STYXL2: variants seen among roughly 807,000 people sequenced by gnomAD.
STYXL2 encodes the protein serine/threonine/tyrosine interacting like 2, also known as serine/threonine/tyrosine-interacting-like protein 2.
In STYXL2, 44 loss-of-function variants were observed where a neutral mutation model predicts 52.4. That is an observed-to-expected ratio of 0.84 (90% CI 0.66 to 1.08). The LOEUF is 1.08. Among genes scored for constraint, STYXL2 ranks in the 50% least tolerant of loss-of-function variants. STYXL2 has a pLI of 0.00. For synonymous variants in STYXL2, 604 were observed against 586.9 expected (o/e 1.03, Z -0.42); for missense variants, 1,604 against 1,471.7 (o/e 1.09, Z -1.47).
intron 2 of STYXL2, among the ~76,000 whole-genome samples, chr1:167,107,270 T>G (rs184322487): frequency 3.2e-4 from 49 of 152,268 alleles, no homozygotes; most frequent in African/African-American, 1.1e-3. Context: ...GTTCAAAAAC[T>G]GATCAATTAT....
intron 5 of STYXL2, 118 bp from the exon 6 acceptor site, chr1:167,125,669 A>C: frequency 7.2e-7 from 1 of 1,395,244 alleles, no homozygotes; most frequent in Non-Finnish European, 9.3e-7. Flanking sequence ...TTCAGAGGCA[A>C]AGTAAACACC....
chr1:167,127,504 C>A lies in STYXL2; in HGVS notation c.2373C>A (p.Pro791=), dbSNP rs762854287. The change falls in exon 6 of 6, where the codon CCC becomes CCA. Residue 791 remains proline (P), a synonymous_variant. Coordinates refer to ENST00000361200, the MANE Select transcript of STYXL2 (RefSeq NM_001080426.3). ...TGTTGCCTCAGAGCCAGGCAAGACC[C>A]AGCTCTGACATGCAGTCTGTGCTGT... ...GCLLPQSQAR[P]SSDMQSVLSC... 3.1e-6 allele frequency: 5 copies of A among 1,613,984 alleles called. No homozygotes were observed. The highest frequency in any genetic ancestry group is 3.4e-6 in the Non-Finnish European group (4 of 1,180,030).
intron 2 of STYXL2, among the ~76,000 whole-genome samples, chr1:167,111,531 A>ACACAAAT (rs1667623099): frequency 8.2e-6 from 1 of 121,392 alleles, no homozygotes; most frequent in Non-Finnish European, 1.9e-5. Context: ...CACACACACA[A>ACACAAAT]ATATATATAT....
Position 167,119,379 on chromosome 1 carries a change from G to C in STYXL2, c.568G>C (p.Glu190Gln). 4.3e-6 allele frequency: 7 copies of C among 1,614,264 alleles called. No homozygotes were observed. Among genetic ancestry groups the C allele is most frequent in the Non-Finnish European group, 5.9e-6 (7 of 1,180,050 alleles). Residue 190 changes from glutamate (E) to glutamine (Q), a missense_variant, in exon 5 of 6, where the codon GAG (glutamate) becomes CAG (glutamine). By Grantham distance (29) the Glu-to-Gln change is conservative. Transcript: ENST00000361200. ...TGLEIQYLGVEVDDFPEVDIS... is the reference protein window; with the variant it reads ...TGLEIQYLGVQVDDFPEVDIS... ...CCTGGAGATCCAGTACCTGGGTGTA[G>C]AGGTGGATGACTTTCCTGAGGTGGA... is the stretch of plus-strand genomic sequence containing the variant.
intron 2 of STYXL2, among the ~76,000 whole-genome samples, chr1:167,103,044 G>A (rs909296249): frequency 1.3e-5 from 2 of 150,726 alleles, no homozygotes; most frequent in Non-Finnish European, 3.0e-5. Context: ...AGACTCTAGG[G>A]AAGACTCCTT....
At chr1:167,097,938 T>G (rs1385910837) in intron 2 of STYXL2, among the ~76,000 whole-genome samples, 2 of 151,570 alleles carry the variant, frequency 1.3e-5, no homozygotes, top group East Asian at 3.9e-4. Flanking sequence ...TGAGGTAGGA[T>G]GATTGCTTGA....
chr1:167,127,882 C>A lies in STYXL2; in HGVS notation c.2751C>A (p.Val917=). 1 of 1,614,110 alleles carries A rather than the reference C, an allele frequency of 6.2e-7. No homozygotes were observed. The highest frequency in any genetic ancestry group is 8.5e-7 in the Non-Finnish European group (1 of 1,180,036). ...PETDTCSSLA[V]CDHYASGSRV... is the part of the protein sequence containing the mutation. The stretch of plus-strand genomic sequence containing the variant: ...CAGACACATGCTCCTCCCTGGCTGT[C>A]TGTGATCACTATGCAAGTGGCAGCA... Residue 917 remains valine (V), a synonymous_variant, in exon 6 of 6, where the codon GTC becomes GTA. Transcript: ENST00000361200.
chr1:167,121,494 C>A (rs1404022522), intron 5 of STYXL2, among the ~76,000 whole-genome samples: 1 of 152,236 alleles, frequency 6.6e-6, no homozygotes, highest in Non-Finnish European at 1.5e-5. Context: ...GGCCACGAGC[C>A]GGCGGTCCCC....
rs370798677 is a variant in STYXL2, at chr1:167,094,941, G to A, written c.92G>A (p.Arg31Gln). The stretch of plus-strand genomic sequence containing the variant: ...AGGGCGGTGCAGGCCCACTACCTCC[G>A]AAGCCCCTCCCCTAGCCAGTAAGTG... The part of the protein sequence containing the change: ...NVRAVQAHYL[R>Q]SPSPSQYSMV... Residue 31 changes from arginine to glutamine, a missense_variant, in exon 2 of 6, where the codon CGA becomes CAA. Transcript: ENST00000361200. 1.2e-5 allele frequency: 19 copies of A among 1,606,246 alleles called. No homozygotes were observed. The highest frequency in any genetic ancestry group is 2.7e-5 in the African/African-American group (2 of 74,748).
At chr1:167,108,577 CCT>C (rs36014416) in intron 2 of STYXL2, among the ~76,000 whole-genome samples, 51,863 of 151,850 alleles carry the variant, frequency 0.34, 10,300 homozygotes, top group East Asian at 0.73. Context: ...TCTCTAAAGG[CCT>C]CTCTAGTTTT....
rs756297966 is a variant in STYXL2 at position 167,126,457 on chromosome 1, C to T, written c.1326C>T (p.Ser442=). 15 of 1,588,066 alleles carry T rather than the reference C, an allele frequency of 9.4e-6. No homozygotes were observed. The East Asian group carries it at 2.7e-4, about 29-fold the overall frequency. Residue 442 remains serine (S), a synonymous_variant, in exon 6 of 6, where the codon AGC becomes AGT. Coordinates refer to ENST00000361200, the MANE Select transcript of STYXL2 (RefSeq NM_001080426.3). ...TGAGCGAGAGCAGCGCCTGGGAGAG[C>T]GTGAGCAGCCACGACATCTGGGTCC... The part of the protein sequence containing the change: ...RTLSESSAWE[S]VSSHDIWVLK...
intron 2 of STYXL2, among the ~76,000 whole-genome samples, chr1:167,097,522 G>T (rs1667312782): frequency 6.6e-6 from 1 of 152,164 alleles, no homozygotes; most frequent in Non-Finnish European, 1.5e-5. Context: ...CAAGATGCAT[G>T]TTGTAATTTG....
At chr1:167,114,496 G>A (rs948964808) in intron 3 of STYXL2, among the ~76,000 whole-genome samples, 5 of 152,152 alleles carry the variant, frequency 3.3e-5, no homozygotes. Flanking sequence ...GGCCCAGCTG[G>A]CCTTTGGGCT....
chr1:167,126,528 G>A lies in STYXL2; in HGVS notation c.1397G>A (p.Arg466His), dbSNP rs6668826. The part of the protein sequence containing the change: ...ELNRPDHGRR[R>H]RADSMSSEST... ...AACCGCCCGGACCACGGCAGGAGGC[G>A]CCGCGCAGACTCGATGTCCTCGGAG... The change falls in exon 6 of 6, where the codon CGC becomes CAC. Residue 466 changes from arginine to histidine, a missense_variant. Physicochemically the swap from Arg to His is conservative, Grantham distance 29. Coordinates refer to ENST00000361200, the MANE Select transcript of STYXL2 (RefSeq NM_001080426.3). 0.19 allele frequency: 306,407 copies of A among 1,612,340 alleles called. 37,781 individuals carry two copies. Among genetic ancestry groups the A allele is most frequent in the East Asian group, 0.76 (34,127 of 44,716 alleles).
intron 2 of STYXL2, among the ~76,000 whole-genome samples, chr1:167,113,028 G>T (rs1466135286): frequency 2.0e-5 from 3 of 152,146 alleles, no homozygotes; most frequent in African/African-American, 7.2e-5. Flanking sequence ...GATTCTCCAT[G>T]TTCCTAAAGG....
rs1310801259 is a variant in STYXL2 at position 167,128,085 on chromosome 1, C to A, written c.2954C>A (p.Ser985Ter). 6.2e-7 allele frequency: 1 copy of A among 1,614,188 alleles called. No individual in the cohort carries two copies. The highest frequency in any genetic ancestry group is 8.5e-7 in the Non-Finnish European group (1 of 1,180,042). ...SSSYKFSKSQ[S>*]EEQDTSSYHE... ...AGTTACAAGTTTTCCAAATCCCAGT[C>A]AGAGGAACAGGACACCTCCTCCTAC... The change falls in exon 6 of 6, where the codon TCA (serine) becomes TAA (stop). Residue 985 changes from serine (S) to a stop codon, truncating the protein, a stop_gained. Transcript: ENST00000361200. LOFTEE classifies it high-confidence loss of function.
At position 167,125,787 on chromosome 1, in the gene STYXL2, G is replaced by C; in HGVS notation, c.656G>C (p.Gly219Ala). 1 of 1,579,098 alleles carries C rather than the reference G, an allele frequency of 6.3e-7. No individual in the cohort carries two copies. The highest frequency in any genetic ancestry group is 8.6e-7 in the Non-Finnish European group (1 of 1,163,610). The stretch of plus-strand genomic sequence containing the variant: ...ATTTTCTCTTGTGTTTTCATTTCAG[G>C]GAAAGTCCTGGTCAGCAGCGAAATG... ...FLDEALLTYRGKVLVSSEMGI... is the reference protein window; with the variant it reads ...FLDEALLTYRAKVLVSSEMGI... The change falls in exon 6 of 6, where the codon GGG becomes GCG. Residue 219 changes from glycine to alanine, a missense_variant and splice_region_variant. By Grantham distance (60) the Gly-to-Ala change is moderately conservative. Transcript: ENST00000361200.
Position 167,126,336 on chromosome 1 carries a change from G to A in STYXL2, c.1205G>A (p.Arg402Lys), listed in dbSNP as rs1266626209. ...IIQEWQSRNE[R>K]YQAEGYRRWG... ...CAGGAGTGGCAGAGCCGAAACGAGA[G>A]GTACCAAGCAGAAGGGTACCGGAGG... Residue 402 changes from arginine to lysine, a missense_variant, in exon 6 of 6, where the codon AGG (arginine) becomes AAG (lysine). Coordinates refer to ENST00000361200, the MANE Select transcript of STYXL2 (RefSeq NM_001080426.3). 6.6e-7 allele frequency: 1 copy of A among 1,522,470 alleles called. No homozygotes were observed. The highest frequency in any genetic ancestry group is 8.8e-7 in the Non-Finnish European group (1 of 1,132,590). 94.3% of individuals were successfully genotyped at this position (1,522,470 alleles called of 1,614,324 possible). A position where few individuals can be genotyped will look rare whatever the true frequency, so the allele number is the denominator to read the frequency against.
chr1:167,102,120 G>A (rs1667415371), intron 2 of STYXL2, among the ~76,000 whole-genome samples: 1 of 151,816 alleles, frequency 6.6e-6, no homozygotes, highest in South Asian at 2.1e-4. Context: ...GTGGCAGAAA[G>A]CAGTTTAATG....
Sources: gnomAD v4.1 joint callset for allele counts (sites outside exome capture counted in the v4.1 genomes callset) on GRCh38, gnomAD v4.1.1 for gene constraint, MANE v1.5 for transcripts, NCBI Gene and HGNC (gene_info 2026-07-23, HGNC 2026-07-21) for gene names.